The following COL6A3 variants were observed in gnomAD, a reference collection of about 807,000 sequenced individuals.
COL6A3 encodes collagen alpha-3(VI) chain.
Under a neutral mutation model 274.1 loss-of-function variants are expected in COL6A3, and 137 were observed. The observed-to-expected ratio is 0.50, with a 90% confidence interval of 0.44 to 0.58. The LOEUF is 0.58. Ranked by LOEUF, COL6A3 falls within the 20% of genes least tolerant of loss-of-function variation. COL6A3 has a pLI of 0.00. For missense variants in COL6A3, 3,950 were observed against 4,124.9 expected (o/e 0.96, Z 1.16); for synonymous variants, 1,650 against 1,650.6 (o/e 1.00, Z 0.01).
intron 31 of COL6A3, among the ~76,000 whole-genome samples, chr2:237,346,776 T>C (rs1263752357): frequency 1.3e-5 from 2 of 152,100 alleles, no homozygotes; most frequent in African/African-American, 2.4e-5. Context: ...CCACCAACTA[T>C]AGAGGTGTTG....
At position 237,344,989 on chromosome 2, in the gene COL6A3, T is replaced by G; in HGVS notation, c.7163-37A>C. ...GCAAAGAGAAGAAAGGGTGAGAGAC[T>G]ACTCTACCATGTGAGAATTTCGAAT... is the stretch of plus-strand genomic sequence containing the variant. On this transcript the variant is annotated intron_variant, in intron 34 of 43. Transcript: ENST00000295550. The surrounding 1 kb of genome is among the most constrained non-coding windows in gnomAD (Gnocchi z 4.8). 2 of 1,614,186 alleles carry G rather than the reference T, an allele frequency of 1.2e-6. No homozygotes were observed. Among genetic ancestry groups the G allele is most frequent in the Non-Finnish European group, 1.7e-6 (2 of 1,180,008 alleles).
rs768902611 is a variant in COL6A3, at chr2:237,381,594, C to T, written c.1313-95G>A. Reference sequence around the variant, plus strand: ...AAGCTAACTCCATTTAAAGGACACCCTCATTTACTGTGGCCAACGTGACCA... The same window carrying T: ...AAGCTAACTCCATTTAAAGGACACCTTCATTTACTGTGGCCAACGTGACCA... On this transcript the variant is annotated intron_variant, in intron 4 of 43. Coordinates refer to ENST00000295550, the MANE Select transcript of COL6A3 (RefSeq NM_004369.4). 85 of 1,069,966 alleles carry T rather than the reference C, an allele frequency of 7.9e-5. 1 individual carries two copies. The highest frequency in any genetic ancestry group is 1.1e-4 in the Non-Finnish European group (78 of 720,926). The allele number at this position is 1,069,966 out of a possible 1,614,324, so 66.3% of individuals were successfully genotyped here. A position where few individuals can be genotyped will look rare whatever the true frequency, so the allele number is the denominator to read the frequency against.
intron 23 of COL6A3, chr2:237,357,035 T>G: frequency 3.2e-5 from 15 of 473,854 alleles, no homozygotes; most frequent in Non-Finnish European, 4.9e-5. Context: ...GGATTTCCAT[T>G]TGGGTCTCTT....
intron 26 of COL6A3, 95 bp from the exon 27 acceptor site, chr2:237,351,287 G>T: frequency 8.4e-7 from 1 of 1,190,268 alleles, no homozygotes; most frequent in Non-Finnish European, 1.3e-6. Context: ...GGAAGTCAGA[G>T]CCCGCCAGGG....
Position 237,378,911 on chromosome 2 carries a change from T to C in COL6A3, c.2222A>G (p.Glu741Gly), listed in dbSNP as rs1181749468. The C allele has an allele frequency of 1.2e-6, 2 of 1,614,104 alleles. No individual in the cohort carries two copies. Among genetic ancestry groups the C allele is most frequent in the African/African-American group, 2.7e-5 (2 of 74,942 alleles). The change falls in exon 6 of 44, where the codon GAA (glutamate) becomes GGA (glycine). Residue 741 changes from glutamate to glycine, a missense_variant. Glu to Gly is a moderately conservative substitution (Grantham distance 98). This residue lies in a region of COL6A3 where 1,934 missense variants were observed against 1,984.3 expected (regional missense o/e 0.97). Transcript: ENST00000295550. ...CAGAAGCAGGAGCTGCGGCACGTGT[T>C]CACGGATCCTGCTGCCGCCAGCTTC... ...FTEAGGSRIR[E>G]HVPQLLLLLT... is the part of the protein sequence containing the mutation.
intron 22 of COL6A3, 107 bp downstream of exon 22, chr2:237,357,710 G>T: frequency 8.9e-7 from 1 of 1,125,220 alleles, no homozygotes; most frequent in Non-Finnish European, 1.4e-6. Flanking sequence ...CTACGTTGCA[G>T]TGTTAAAGGC....
At position 237,379,131 on chromosome 2, in the gene COL6A3, T is replaced by G; in HGVS notation, c.2002A>C (p.Ser668Arg). 1 of 1,614,256 alleles carries G rather than the reference T, an allele frequency of 6.2e-7. No homozygotes were observed. Among genetic ancestry groups the G allele is most frequent in the South Asian group, 1.1e-5 (1 of 91,088 alleles). Residue 668 changes from serine to arginine, a missense_variant, in exon 6 of 44, where the codon AGC becomes CGC. Physicochemically the swap from Ser to Arg is moderately radical, Grantham distance 110. Transcript: ENST00000295550. ...ATATTGTCATTTCCAATATCAAGGC[T>G]GTTAACTAGGTTCATTACAAAGTCG... ...VRDFVMNLVN[S>R]LDIGNDNIRV...
In COL6A3 at chr2:237,394,615, C is replaced by T; in HGVS notation, c.681G>A (p.Gly227=). 1 of 1,614,108 alleles carries T rather than the reference C, an allele frequency of 6.2e-7. No homozygotes were observed. Among genetic ancestry groups the T allele is most frequent in the Non-Finnish European group, 8.5e-7 (1 of 1,180,034 alleles). Reference sequence around the variant, plus strand: ...TGATGTCTTTAAGGGTTTCCGTGTCCCCAGCCCTTTCTGGACTCACGGATG... The same window carrying T: ...TGATGTCTTTAAGGGTTTCCGTGTCTCCAGCCCTTTCTGGACTCACGGATG... The part of the protein sequence containing the change: ...VHSSVSPERA[G]DTETLKDITA... Residue 227 remains glycine (G), a synonymous_variant, in exon 3 of 44, where the codon GGG becomes GGA. Coordinates refer to ENST00000295550, the MANE Select transcript of COL6A3 (RefSeq NM_004369.4).
chr2:237,334,879 G>A lies in COL6A3; in HGVS notation c.8976C>T (p.Ser2992=), dbSNP rs979628671. The change falls in exon 41 of 44, where the codon TCC becomes TCT. Residue 2992 remains serine (S), a synonymous_variant. Coordinates refer to ENST00000295550, the MANE Select transcript of COL6A3 (RefSeq NM_004369.4). ...PATTKPMVKM[S]REVQVFEITE... is the part of the protein sequence containing the mutation. The stretch of plus-strand genomic sequence containing the variant: ...TTATCTCAAACACCTGGACTTCACG[G>A]GACATCTTAACTGAAAGATAGATCA... 8 of 1,613,956 alleles carry A rather than the reference G, an allele frequency of 5.0e-6. No homozygotes were observed. In the African/African-American group the frequency reaches 1.1e-4, roughly 22 times the overall value.
Position 237,365,929 on chromosome 2 carries a change from G to A in COL6A3, c.5607C>T (p.Ile1869=), listed in dbSNP as rs751159969. Residue 1869 remains isoleucine, a synonymous_variant, in exon 12 of 44, where the codon ATC becomes ATT. Coordinates refer to ENST00000295550, the MANE Select transcript of COL6A3 (RefSeq NM_004369.4). ...TGCAGCTGACCCTGTGCATCTGGCT[G>A]ATTCTGTTCAAGATGGCGTCCACCT... The part of the protein sequence containing the change: ...ESKVDAILNR[I]SQMHRVSCSG... 2.0e-5 allele frequency: 32 copies of A among 1,614,044 alleles called. No individual in the cohort carries two copies. Among genetic ancestry groups the A allele is most frequent in the African/African-American group, 6.7e-5 (5 of 74,936 alleles).
intron 13 of COL6A3, 91 bp from the exon 14 acceptor site, chr2:237,363,489 C>A: frequency 6.8e-7 from 1 of 1,461,312 alleles, no homozygotes; most frequent in East Asian, 2.3e-5. Context: ...AAGAAAACTT[C>A]AGTGTAAAAT....
intron 14 of COL6A3, among the ~76,000 whole-genome samples, chr2:237,362,769 G>T (rs1472444386): frequency 1.3e-5 from 2 of 152,216 alleles, no homozygotes; most frequent in Non-Finnish European, 2.9e-5. Context: ...GCCCTGGGGA[G>T]AATGAGGAAG....
intron 1 of COL6A3, among the ~76,000 whole-genome samples, chr2:237,405,833 A>T (rs916666650): frequency 6.6e-6 from 1 of 152,100 alleles, no homozygotes; most frequent in Non-Finnish European, 1.5e-5. Context: ...TGGTGGTGAC[A>T]CACCACAGAT....
At chr2:237,338,857 T>C (rs1005711198) in intron 39 of COL6A3, 158 bp downstream of exon 39, 3 of 631,506 alleles carry the variant, frequency 4.8e-6, no homozygotes, top group Non-Finnish European at 5.6e-6. Context: ...AGCTAACTGA[T>C]AAAACAGATT....
At chr2:237,412,473 C>G (rs913672754) in intron 1 of COL6A3, among the ~76,000 whole-genome samples, 1 of 152,222 alleles carries the variant, frequency 6.6e-6, no homozygotes, top group African/African-American at 2.4e-5. Context: ...GCACTCGCTC[C>G]CTGGCCTGGG....
In COL6A3 at chr2:237,380,962, A is replaced by T. The variant is rs1162733532; in HGVS notation, c.1850T>A (p.Leu617Gln). 1 of 1,614,210 alleles carries T rather than the reference A, an allele frequency of 6.2e-7. No individual in the cohort carries two copies. Among genetic ancestry groups the T allele is most frequent in the Non-Finnish European group, 8.5e-7 (1 of 1,180,038 alleles). The change falls in exon 5 of 44, where the codon CTG becomes CAG. Residue 617 changes from leucine to glutamine, a missense_variant. This residue lies in a region of COL6A3 where 1,934 missense variants were observed against 1,984.3 expected (regional missense o/e 0.97). Coordinates refer to ENST00000295550, the MANE Select transcript of COL6A3 (RefSeq NM_004369.4). Reference sequence around the variant, plus strand: ...CCTGAGAGGTGCCAGCAAGCCAGGCAGCATGCCTTGCAATGGGGCGGCTCG... The same window carrying T: ...CCTGAGAGGTGCCAGCAAGCCAGGCTGCATGCCTTGCAATGGGGCGGCTCG... ...EFRAAPLQGM[L>Q]PGLLAPLRTL...
Position 237,342,163 on chromosome 2 carries a change from T to C in COL6A3, c.7669-2A>G. The C allele has an allele frequency of 6.2e-7, 1 of 1,613,964 alleles. No individual in the cohort carries two copies. The highest frequency in any genetic ancestry group is 8.5e-7 in the Non-Finnish European group (1 of 1,179,888). ...ATGCCCCACTGCTGTGTTATTGATC[T>C]GGTTTAAACAAAAGAACAATTTTGG... On this transcript the variant is annotated splice_acceptor_variant, in intron 36 of 43. Transcript: ENST00000295550. LOFTEE classifies it high-confidence loss of function.
chr2:237,334,861 A>G lies in COL6A3; in HGVS notation c.8994T>C (p.Phe2998=). The G allele has an allele frequency of 6.2e-7, 1 of 1,613,926 alleles. No homozygotes were observed. The highest frequency in any genetic ancestry group is 8.5e-7 in the Non-Finnish European group (1 of 1,179,836). Residue 2998 remains phenylalanine, a synonymous_variant, in exon 41 of 44, where the codon TTT becomes TTC. Transcript: ENST00000295550. ...MVKMSREVQV[F]EITENSAKLH... The stretch of plus-strand genomic sequence containing the variant: ...GTTTGGCGCTGTTCTCTGTTATCTC[A>G]AACACCTGGACTTCACGGGACATCT...
chr2:237,330,638 G>A (rs1165864914), intron 42 of COL6A3, among the ~76,000 whole-genome samples: 2 of 152,158 alleles, frequency 1.3e-5, no homozygotes, highest in African/African-American at 2.4e-5. Context: ...TCTCAAAGGC[G>A]AGAGTCTCCC....
Sources: allele counts gnomAD v4.1 joint callset (sites outside exome capture counted in the v4.1 genomes callset), GRCh38; gene constraint gnomAD v4.1.1; regional missense constraint gnomAD v4.1.1; non-coding constraint Gnocchi (gnomAD v3.1); transcripts MANE v1.5; gene names NCBI Gene and HGNC (gene_info 2026-07-23, HGNC 2026-07-21).